Variants in ABCC1 observed in about 807,000 individuals in gnomAD.
ABCC1 encodes the protein ATP binding cassette subfamily C member 1 (ABCC1 blood group), also known as multidrug resistance-associated protein 1.
In ABCC1, 83 loss-of-function variants were observed where a neutral mutation model predicts 172.9. The observed-to-expected ratio is 0.48, with a 90% CI of 0.40 to 0.58. The LOEUF (loss-of-function observed/expected upper bound fraction) is 0.58. Among genes scored for constraint, ABCC1 ranks in the 20% least tolerant of loss-of-function variants. ABCC1 has a pLI of 0.00. For missense variants in ABCC1, 1,817 were observed against 2,002.7 expected (o/e 0.91, Z 1.77); for synonymous variants, 937 against 825.2 (o/e 1.14, Z -2.32).
intron 13 of ABCC1, among the ~76,000 whole-genome samples, chr16:16,069,887 A>G (rs35612): frequency 0.81 from 122,795 of 152,026 alleles, 49,716 homozygotes; most frequent in Non-Finnish European, 0.83. Flanking sequence ...AGCCAGATGT[A>G]TTGGTTGGTG....
At chr16:16,136,818 C>T (rs1476866755) in intron 29 of ABCC1, among the ~76,000 whole-genome samples, 174 bp downstream of exon 29, 1 of 152,202 alleles carries the variant, frequency 6.6e-6, no homozygotes, top group Non-Finnish European at 1.5e-5. Flanking sequence ...GGTCTCAATC[C>T]AGGCTCTTTG....
chr16:16,142,625 C>G lies in ABCC1; in HGVS notation c.*1344C>G, dbSNP rs1454437881. ...TGATTTTTTTTTTTTAAGTACTGTT[C>G]CGGGGAGAAAAACAGTCTCAAAACT... On this transcript the variant is annotated 3_prime_UTR_variant, in exon 31 of 31. Transcript: ENST00000399410. 2 of 150,426 alleles carry G rather than the reference C, an allele frequency of 1.3e-5. No homozygotes were observed. The highest frequency in any genetic ancestry group is 2.4e-5 in the African/African-American group (1 of 40,864). The allele number at this position is 150,426 out of a possible 1,614,324, so 9.3% of individuals were successfully genotyped here.
intron 30 of ABCC1, 111 bp from the exon 31 acceptor site, chr16:16,141,062 A>C (rs2046108230): frequency 1.2e-6 from 1 of 840,456 alleles, no homozygotes; most frequent in Admixed American, 2.1e-5. Context: ...GTCCTAGCAA[A>C]AAGTGTTAGG....
intron 1 of ABCC1, among the ~76,000 whole-genome samples, chr16:15,999,216 A>C (rs1567297935): frequency 6.6e-6 from 1 of 151,706 alleles, no homozygotes; most frequent in African/African-American, 2.4e-5. Flanking sequence ...CGTGTTAGCC[A>C]GGATGGTCTC....
chr16:16,019,640 G>A (rs1223629404), intron 5 of ABCC1, among the ~76,000 whole-genome samples: 2 of 152,132 alleles, frequency 1.3e-5, no homozygotes, highest in African/African-American at 4.8e-5. Flanking sequence ...TTGGGAATCT[G>A]GATAAATTCC....
chr16:16,039,092 T>C (rs1295473791), intron 7 of ABCC1, among the ~76,000 whole-genome samples: 1 of 151,970 alleles, frequency 6.6e-6, no homozygotes, highest in African/African-American at 2.4e-5. Flanking sequence ...ATCGACATTC[T>C]ATATGGGAGA....
chr16:16,080,318 CA>C (rs2050758409), intron 16 of ABCC1, among the ~76,000 whole-genome samples: 1 of 152,116 alleles, frequency 6.6e-6, no homozygotes, highest in Non-Finnish European at 1.5e-5. Context: ...TTTCTTAGAA[CA>C]TTTTTTAAAG....
At chr16:16,056,366 T>C (rs2049655360) in intron 12 of ABCC1, 71 bp downstream of exon 12, 1 of 1,549,630 alleles carries the variant, frequency 6.5e-7, no homozygotes, top group South Asian at 1.1e-5. Context: ...CTGAATATTT[T>C]TAAAAGGTCA....
intron 3 of ABCC1, among the ~76,000 whole-genome samples, chr16:16,011,917 C>G (rs1328248363): frequency 6.6e-6 from 1 of 152,072 alleles, no homozygotes; most frequent in African/African-American, 2.4e-5. Flanking sequence ...GATCCACCCA[C>G]CTAGGCCCCC....
rs1442806222 is a variant in ABCC1 at position 16,125,862 on chromosome 16, ACAT to A, written c.3772_3774del (p.Ile1258del). The stretch of plus-strand genomic sequence containing the variant: ...CGGATGTCATCTGAAATGGAAACCA[ACAT>A]CGTGGCCGTGGAGAGGCTCAAGGAG... On this transcript the variant is annotated inframe_deletion, in exon 26 of 31. Transcript: ENST00000399410. 6.2e-7 allele frequency: 1 copy of A among 1,614,062 alleles called. No homozygotes were observed. Among genetic ancestry groups the A allele is most frequent in the Non-Finnish European group, 8.5e-7 (1 of 1,180,018 alleles).
At position 16,121,849 on chromosome 16, in the gene ABCC1, C is replaced by T; in HGVS notation, c.3391-126C>T. On this transcript the variant is annotated intron_variant, in intron 23 of 30. Coordinates refer to ENST00000399410, the MANE Select transcript of ABCC1 (RefSeq NM_004996.4). ...TGAGTGGGCACCCCTGTGAGGGCAGCCCGGCTCTAACATTTTGCCTCCTGG... is the reference window on the plus strand; with the variant it reads ...TGAGTGGGCACCCCTGTGAGGGCAGTCCGGCTCTAACATTTTGCCTCCTGG... The T allele has an allele frequency of 4.2e-6, 4 of 954,806 alleles. No homozygotes were observed. The East Asian group carries it at 1.1e-4, about 25-fold the overall frequency. The allele number at this position is 954,806 out of a possible 1,614,324, so 59.1% of individuals were successfully genotyped here. A position where few individuals can be genotyped will look rare whatever the true frequency, so the allele number is the denominator to read the frequency against.
rs1009404324 is a variant in ABCC1, at chr16:16,136,519, C to T, written c.4167C>T (p.Asp1389=). 6 of 1,614,062 alleles carry T rather than the reference C, an allele frequency of 3.7e-6. No homozygotes were observed. The Admixed American group carries it at 5.0e-5, about 13-fold the overall frequency. The change falls in exon 29 of 31, where the codon GAC becomes GAT. Residue 1389 remains aspartate (D), a synonymous_variant. Transcript: ENST00000399410. The stretch of plus-strand genomic sequence containing the variant: ...CGGGTTCCCTCCGAATGAACCTGGA[C>T]CCATTCAGCCAGTACTCGGATGAAG... ...LFSGSLRMNL[D]PFSQYSDEEV...
chr16:16,090,702 G>A (rs2051218062), intron 19 of ABCC1, 114 bp downstream of exon 19: 1 of 1,208,716 alleles, frequency 8.3e-7, no homozygotes, highest in Admixed American at 3.1e-5. Flanking sequence ...CTCAGGGCAT[G>A]AGGGTGGGAG....
chr16:15,950,632 A>G (rs1159018589), intron 1 of ABCC1, among the ~76,000 whole-genome samples: 1 of 152,130 alleles, frequency 6.6e-6, no homozygotes, highest in Non-Finnish European at 1.5e-5. Flanking sequence ...TTTAAGCCCC[A>G]GTCTTTTGGG....
At chr16:15,980,135 T>G (rs973132039) in intron 1 of ABCC1, among the ~76,000 whole-genome samples, 6 of 152,144 alleles carry the variant, frequency 3.9e-5, no homozygotes, top group Non-Finnish European at 8.8e-5. Context: ...GTTGGCATGC[T>G]TTTTCTGTGA....
Position 16,071,708 on chromosome 16 carries a change from G to T in ABCC1, c.1891G>T (p.Glu631Ter). The T allele has an allele frequency of 6.2e-7, 1 of 1,613,836 alleles. No homozygotes were observed. Among genetic ancestry groups the T allele is most frequent in the Admixed American group, 1.7e-5 (1 of 59,972 alleles). ...TGAGGAGCTGGAACCTGACAGCATCGAGCGACGGCCTGTCAAAGACGGTGT... is the reference window on the plus strand; with the variant it reads ...TGAGGAGCTGGAACCTGACAGCATCTAGCGACGGCCTGTCAAAGACGGTGT... ...SHEELEPDSI[E>*]RRPVKDGGGT... The change falls in exon 14 of 31, where the codon GAG becomes TAG. Residue 631 changes from glutamate to a stop codon, truncating the protein, a stop_gained. Coordinates refer to ENST00000399410, the MANE Select transcript of ABCC1 (RefSeq NM_004996.4). LOFTEE classifies it high-confidence loss of function.
At chr16:15,957,658 C>T (rs2046027993) in intron 1 of ABCC1, among the ~76,000 whole-genome samples, 1 of 151,894 alleles carries the variant, frequency 6.6e-6, no homozygotes, top group African/African-American at 2.4e-5. Context: ...TGCAGTGGCA[C>T]GATCTTGGCT....
chr16:16,069,203 A>T (rs1017383952), intron 13 of ABCC1, among the ~76,000 whole-genome samples: 6 of 106,726 alleles, frequency 5.6e-5, no homozygotes, highest in Non-Finnish European at 1.2e-4. Context: ...TAAATAAATA[A>T]ATAAATAAAT....
rs74009607 is a variant in ABCC1 at position 16,141,724 on chromosome 16, C to T, written c.*443C>T. On this transcript the variant is annotated 3_prime_UTR_variant, in exon 31 of 31. Coordinates refer to ENST00000399410, the MANE Select transcript of ABCC1 (RefSeq NM_004996.4). Reference sequence around the variant, plus strand: ...CAAGTCTTTGAGATGCTTCTGGCTCCCATCACCTCTAACATCCTTGTCTGG... The same window carrying T: ...CAAGTCTTTGAGATGCTTCTGGCTCTCATCACCTCTAACATCCTTGTCTGG... 0.012 allele frequency: 2,100 copies of T among 173,426 alleles called. 45 individuals carry two copies. The highest frequency in any genetic ancestry group is 0.047 in the African/African-American group (1,971 of 42,126). 10.7% of individuals were successfully genotyped at this position (173,426 alleles called of 1,614,324 possible).
Sources: gnomAD v4.1 joint callset for allele counts (sites outside exome capture counted in the v4.1 genomes callset) on GRCh38, gnomAD v4.1.1 for gene constraint, MANE v1.5 for transcripts, NCBI Gene and HGNC (gene_info 2026-07-23, HGNC 2026-07-21) for gene names.